NLGN1: variants seen among roughly 807,000 people sequenced by gnomAD.
The protein encoded by NLGN1 is neuroligin 1, also known as neuroligin-1.
Under a neutral mutation model 65.5 loss-of-function variants are expected in NLGN1, and 12 were observed. The ratio of observed to expected loss-of-function variants is 0.18; its 90% CI spans 0.12 to 0.30. The LOEUF (loss-of-function observed/expected upper bound fraction) is 0.30. Ranked by LOEUF, NLGN1 falls within the 10% of genes least tolerant of loss-of-function variation. NLGN1 has a pLI of 1.00. For synonymous variants in NLGN1, 350 were observed against 359.5 expected, an observed-to-expected ratio of 0.97 and a Z score of 0.30; for missense variants, 750 against 1,007.1, an observed-to-expected ratio of 0.74 and a Z score of 3.46.
At chr3:173,859,994 A>G (rs936512137) in intron 4 of NLGN1, among the ~76,000 whole-genome samples, 22 of 152,056 alleles carry the variant, frequency 1.4e-4, no homozygotes, top group African/African-American at 5.3e-4. Context: ...TATTATATAA[A>G]TCTTTTTAAA....
At chr3:173,422,757 G>A (rs1715331189) in intron 1 of NLGN1, among the ~76,000 whole-genome samples, 2 of 151,994 alleles carry the variant, frequency 1.3e-5, no homozygotes, top group African/African-American at 2.4e-5. Context: ...TTTGACATTT[G>A]TATGTCTTCT....
At chr3:173,697,077 A>G (rs1370524619) in intron 3 of NLGN1, among the ~76,000 whole-genome samples, 3 of 152,214 alleles carry the variant, frequency 2.0e-5, no homozygotes, top group Non-Finnish European at 4.4e-5. Context: ...AAATATGATC[A>G]GAAGTAGTAT....
intron 4 of NLGN1, among the ~76,000 whole-genome samples, chr3:174,194,954 C>T (rs563579268): frequency 4.6e-5 from 7 of 151,596 alleles, no homozygotes; most frequent in South Asian, 2.1e-4. Context: ...CTCCGCCTCC[C>T]GGGTTCAAGT....
chr3:173,500,821 A>G (rs1730974761), intron 2 of NLGN1, among the ~76,000 whole-genome samples: 1 of 152,100 alleles, frequency 6.6e-6, no homozygotes, highest in African/African-American at 2.4e-5. Flanking sequence ...ACAAGCTCCC[A>G]AGATATCCTG....
intron 1 of NLGN1, among the ~76,000 whole-genome samples, chr3:173,418,445 A>G (rs1714255260): frequency 6.6e-6 from 1 of 152,150 alleles, no homozygotes; most frequent in Admixed American, 6.5e-5. Flanking sequence ...GGTGCCTTCC[A>G]TAAAGGTCAT....
intron 4 of NLGN1, among the ~76,000 whole-genome samples, chr3:174,030,603 G>A (rs188072242): frequency 6.6e-6 from 1 of 152,312 alleles, no homozygotes; most frequent in East Asian, 1.9e-4. Flanking sequence ...AAAGATGACA[G>A]ATTGAACTTA....
chr3:173,641,145 T>C (rs1168650668), intron 3 of NLGN1, among the ~76,000 whole-genome samples: 1 of 152,180 alleles, frequency 6.6e-6, no homozygotes, highest in Non-Finnish European at 1.5e-5. Flanking sequence ...AGCAAATTTG[T>C]AATTTTCTAA....
intron 4 of NLGN1, among the ~76,000 whole-genome samples, chr3:173,913,001 C>A (rs1485193809): frequency 2.0e-5 from 3 of 152,074 alleles, no homozygotes; most frequent in African/African-American, 4.8e-5. Flanking sequence ...GCTCACACCA[C>A]CAACAACAGC....
intron 3 of NLGN1, among the ~76,000 whole-genome samples, chr3:173,725,916 C>T (rs1005415720): frequency 6.6e-6 from 1 of 152,120 alleles, no homozygotes; most frequent in African/African-American, 2.4e-5. Context: ...CTGTTCCTTG[C>T]CATGTGACCC....
exon 7 of NLGN1, chr3:174,284,969 G>A (rs1295246399): frequency 1.3e-5 from 2 of 151,252 alleles, no homozygotes; most frequent in African/African-American, 2.4e-5. Flanking sequence ...GAGGAAAACA[G>A]ATGGCACTAA....
chr3:174,133,809 A>T (rs2152676969), intron 4 of NLGN1, among the ~76,000 whole-genome samples: 2 of 151,968 alleles, frequency 1.3e-5, no homozygotes, highest in African/African-American at 4.8e-5. Context: ...AATTAGCAAG[A>T]TTATCTTTCT....
At chr3:173,456,499 G>A (rs1722536353) in intron 2 of NLGN1, among the ~76,000 whole-genome samples, 2 of 152,134 alleles carry the variant, frequency 1.3e-5, no homozygotes, top group African/African-American at 2.4e-5. Flanking sequence ...GTGTTAATAT[G>A]AATTAAATAA....
intron 3 of NLGN1, among the ~76,000 whole-genome samples, chr3:173,614,511 C>T (rs1160828662): frequency 1.3e-5 from 2 of 152,100 alleles, no homozygotes; most frequent in African/African-American, 4.8e-5. Flanking sequence ...TTTCTCAGCG[C>T]ACCATCTTTC....
chr3:173,916,884 T>G (rs1740843772), intron 4 of NLGN1, among the ~76,000 whole-genome samples: 1 of 152,176 alleles, frequency 6.6e-6, no homozygotes, highest in South Asian at 2.1e-4. Context: ...TCTGGATGGT[T>G]TCCTGTGATT....
At chr3:173,691,025 T>C (rs1414853223) in intron 3 of NLGN1, among the ~76,000 whole-genome samples, 1 of 152,138 alleles carries the variant, frequency 6.6e-6, no homozygotes, top group Admixed American at 6.6e-5. Flanking sequence ...TGACGAAATA[T>C]TAACTGGGGA....
intron 4 of NLGN1, among the ~76,000 whole-genome samples, chr3:173,834,734 A>G (rs1286022140): frequency 6.6e-6 from 1 of 152,232 alleles, no homozygotes; most frequent in Non-Finnish European, 1.5e-5. Flanking sequence ...ATATGGTCAC[A>G]GAGTTAGGAG....
intron 4 of NLGN1, among the ~76,000 whole-genome samples, chr3:174,161,989 G>T (rs914172875): frequency 1.6e-4 from 24 of 151,740 alleles, no homozygotes; most frequent in African/African-American, 5.8e-4. Flanking sequence ...TAACATGGAT[G>T]GTCCAAATCC....
At chr3:173,730,418 G>A (rs1394590206) in intron 3 of NLGN1, among the ~76,000 whole-genome samples, 1 of 146,892 alleles carries the variant, frequency 6.8e-6, no homozygotes, top group Non-Finnish European at 1.5e-5. Context: ...AAAAGAAATA[G>A]GTAAAATAGG....
intron 3 of NLGN1, among the ~76,000 whole-genome samples, chr3:173,749,564 A>G (rs1428488468): frequency 6.6e-6 from 1 of 152,126 alleles, no homozygotes; most frequent in Non-Finnish European, 1.5e-5. Context: ...TTAATTAACT[A>G]GAAAGACTCC....
Sources: allele counts gnomAD v4.1 joint callset (sites outside exome capture counted in the v4.1 genomes callset), GRCh38; gene constraint gnomAD v4.1.1; transcripts MANE v1.5; gene names NCBI Gene and HGNC (gene_info 2026-07-23, HGNC 2026-07-21).